Variants in PRKD1 observed in about 807,000 individuals in gnomAD.
PRKD1 encodes the protein serine/threonine-protein kinase D1.
In PRKD1, 63 loss-of-function variants were observed where a neutral mutation model predicts 95.9. The observed-to-expected ratio is 0.66, with a 90% CI of 0.54 to 0.81. PRKD1 has a LOEUF of 0.81. Ranked by LOEUF, PRKD1 falls within the 30% of genes least tolerant of loss-of-function variation. PRKD1 has a pLI of 0.00. For synonymous variants in PRKD1, 425 were observed against 423.1 expected, an observed-to-expected ratio of 1.00 and a Z score of -0.05; for missense variants, 1,048 against 1,165.3, an observed-to-expected ratio of 0.90 and a Z score of 1.47.
chr14:29,866,595 T>C (rs1892915248), intron 1 of PRKD1, among the ~76,000 whole-genome samples: 1 of 152,110 alleles, frequency 6.6e-6, no homozygotes, highest in South Asian at 2.1e-4. Context: ...GACACAACTC[T>C]GCATGTTTAG....
chr14:29,922,016 T>C (rs569574053), intron 1 of PRKD1, among the ~76,000 whole-genome samples: 17 of 152,348 alleles, frequency 1.1e-4, no homozygotes, highest in Non-Finnish European at 4.4e-5. Context: ...AAAAGGTTTA[T>C]AAGTCTGTGA....
rs138562338 is a variant in PRKD1, at chr14:29,841,612, T to C, written c.264+85637A>G. ...ACTTGCTCCTTCTTGCCTTCCGCCA[T>C]GATTATGAGGCCTCCCCAGCCATGG... On this transcript the variant is annotated intron_variant, in intron 1 of 17. Transcript: ENST00000331968. Among the ~76,000 whole-genome samples, 638 of 152,312 alleles carry C rather than the reference T, an allele frequency of 4.2e-3. 4 individuals are homozygous for C. The highest frequency in any genetic ancestry group is 0.014 in the African/African-American group (573 of 41,558).
At chr14:29,877,355 C>T (rs1028606679) in intron 1 of PRKD1, among the ~76,000 whole-genome samples, 4 of 152,168 alleles carry the variant, frequency 2.6e-5, no homozygotes, top group African/African-American at 9.7e-5. Context: ...TTGTTTTTCT[C>T]ATACATTTAA....
At chr14:29,689,781 A>G (rs1463903473) in intron 2 of PRKD1, among the ~76,000 whole-genome samples, 1 of 152,252 alleles carries the variant, frequency 6.6e-6, no homozygotes, top group Non-Finnish European at 1.5e-5. Flanking sequence ...ACCATGGAAT[A>G]CTATGCAGCC....
chr14:29,758,856 C>T (rs1250090136), intron 1 of PRKD1, among the ~76,000 whole-genome samples: 1 of 152,210 alleles, frequency 6.6e-6, no homozygotes, highest in Non-Finnish European at 1.5e-5. Flanking sequence ...CTCAGTCTAT[C>T]ACACTTCAAG....
chr14:29,761,790 T>TC (rs1888001352), intron 1 of PRKD1, among the ~76,000 whole-genome samples: 1 of 150,850 alleles, frequency 6.6e-6, no homozygotes, highest in South Asian at 2.1e-4. Context: ...CTTTTTTTTT[T>TC]TTTTTTTTGA....
chr14:29,684,386 A>G (rs6571320), intron 2 of PRKD1, among the ~76,000 whole-genome samples: 78,861 of 151,984 alleles, frequency 0.52, 23,079 homozygotes, highest in African/African-American at 0.8. Flanking sequence ...AGACATAGAT[A>G]AACATTTAGT....
At chr14:29,923,123 C>G (rs1378114066) in intron 1 of PRKD1, among the ~76,000 whole-genome samples, 1 of 150,018 alleles carries the variant, frequency 6.7e-6, no homozygotes, top group Non-Finnish European at 1.5e-5. Context: ...CCCAGCTACT[C>G]AAGGGGCTGA....
At chr14:29,729,634 C>G (rs1158040395) in intron 1 of PRKD1, among the ~76,000 whole-genome samples, 1 of 151,826 alleles carries the variant, frequency 6.6e-6, no homozygotes, top group Non-Finnish European at 1.5e-5. Flanking sequence ...TATTATTTTT[C>G]TATACTTAGT....
chr14:29,638,275 A>C (rs1305443699), intron 6 of PRKD1: 2 of 546,058 alleles, frequency 3.7e-6, no homozygotes, highest in Non-Finnish European at 6.4e-6. Context: ...CTAGCTGCTC[A>C]CCATGTAAAG....
intron 1 of PRKD1, among the ~76,000 whole-genome samples, chr14:29,889,893 T>C (rs1463712295): frequency 1.3e-5 from 2 of 152,156 alleles, no homozygotes; most frequent in Non-Finnish European, 2.9e-5. Flanking sequence ...TAATAATAAT[T>C]TAAAAAATTA....
chr14:29,633,219 T>G lies in PRKD1; in HGVS notation c.1315-273A>C, dbSNP rs45458791. ...AAGAGCCTGGCATTTAGAAAGTGCA[T>G]AGTAAACAGAAAACATCATTTTTAA... On this transcript the variant is annotated intron_variant, in intron 8 of 17. Transcript: ENST00000331968. Among the ~76,000 whole-genome samples the G allele has an allele frequency of 6.2e-4, 95 of 152,302 alleles. 2 individuals carry two copies. The East Asian group carries it at 0.016, about 26-fold the overall frequency.
At chr14:29,883,735 G>C (rs1459779349) in intron 1 of PRKD1, among the ~76,000 whole-genome samples, 1 of 152,138 alleles carries the variant, frequency 6.6e-6, no homozygotes, top group Non-Finnish European at 1.5e-5. Flanking sequence ...ATGTACCTGA[G>C]ATTTGCCACC....
chr14:29,829,369 C>A (rs1373481807), intron 1 of PRKD1, among the ~76,000 whole-genome samples: 1 of 152,108 alleles, frequency 6.6e-6, no homozygotes. Flanking sequence ...GAAATAAAAT[C>A]CATTATTAGA....
intron 1 of PRKD1, among the ~76,000 whole-genome samples, chr14:29,908,093 C>T (rs564943348): frequency 2.0e-5 from 3 of 149,942 alleles, no homozygotes; most frequent in South Asian, 2.1e-4. Context: ...CAGTTTATTC[C>T]GCATCTTGTA....
At position 29,638,723 on chromosome 14, in the gene PRKD1, C is replaced by T; in HGVS notation, c.878G>A (p.Gly293Glu). The T allele has an allele frequency of 6.2e-7, 1 of 1,614,056 alleles. No homozygotes were observed. Among genetic ancestry groups the T allele is most frequent in the Non-Finnish European group, 8.5e-7 (1 of 1,180,018 alleles). The change falls in exon 5 of 18, where the codon GGG becomes GAG. Residue 293 changes from glycine to glutamate, a missense_variant. Physicochemically the swap from Gly to Glu is moderately conservative, Grantham distance 98. Coordinates refer to ENST00000331968, the MANE Select transcript of PRKD1 (RefSeq NM_002742.3). ...GCACTGCAAGCCCTGCCTGAAAAGC[C>T]CCTTCAGAAGCTTCTTGCAGTACTG... Reference protein sequence around the residue: ...VCQYCKKLLKGLFRQGLQCKD... With the variant: ...VCQYCKKLLKELFRQGLQCKD...
At chr14:29,770,909 G>A (rs1360395595) in intron 1 of PRKD1, among the ~76,000 whole-genome samples, 1 of 122,556 alleles carries the variant, frequency 8.2e-6, no homozygotes, top group Admixed American at 9.6e-5. Flanking sequence ...TCCAGCCTGA[G>A]TGATAGAGTG....
intron 13 of PRKD1, among the ~76,000 whole-genome samples, chr14:29,603,489 T>C (rs1180153043): frequency 3.3e-5 from 5 of 152,202 alleles, no homozygotes; most frequent in African/African-American, 1.2e-4. Flanking sequence ...CTAGAGAATA[T>C]ATTAGAAGAC....
intron 13 of PRKD1, among the ~76,000 whole-genome samples, chr14:29,609,021 C>T (rs894247600): frequency 6.6e-6 from 1 of 152,108 alleles, no homozygotes; most frequent in Admixed American, 6.6e-5. Context: ...GAACAATCCA[C>T]CCTCTTGTGA....
Sources: gnomAD v4.1 joint callset for allele counts (sites outside exome capture counted in the v4.1 genomes callset) on GRCh38, gnomAD v4.1.1 for gene constraint, MANE v1.5 for transcripts, NCBI Gene and HGNC (gene_info 2026-07-23, HGNC 2026-07-21) for gene names.